The following MMP26 variants were observed in gnomAD, a reference collection of about 807,000 sequenced individuals.
The protein encoded by MMP26 is matrix metallopeptidase 26.
MMP26 carries 33 observed loss-of-function variants against 31.0 expected under a neutral mutation model. That is an observed-to-expected ratio of 1.06 (90% CI 0.81 to 1.42). The LOEUF is 1.42. MMP26 is among the 40% of genes most tolerant of loss of function. MMP26 has a pLI of 0.00. For synonymous variants in MMP26, 122 were observed against 114.9 expected, an observed-to-expected ratio of 1.06 and a Z score of -0.40; for missense variants, 347 against 316.1, an observed-to-expected ratio of 1.10 and a Z score of -0.74.
At chr11:4,874,482 G>A (rs1850353053) in intron 2 of MMP26, among the ~76,000 whole-genome samples, 1 of 151,516 alleles carries the variant, frequency 6.6e-6, no homozygotes. Context: ...TCTTAACCTG[G>A]GTCCATAGAT....
At chr11:4,989,210 T>C (rs776539580) in intron 3 of MMP26, among the ~76,000 whole-genome samples, 1 of 152,082 alleles carries the variant, frequency 6.6e-6, no homozygotes, top group African/African-American at 2.4e-5. Flanking sequence ...CTTAATGAAA[T>C]GGAAGTAAAT....
chr11:4,728,471 T>C (rs946966318), intron 1 of MMP26, among the ~76,000 whole-genome samples: 3 of 152,170 alleles, frequency 2.0e-5, no homozygotes, highest in Admixed American at 6.5e-5. Flanking sequence ...TAGACAACTC[T>C]GAAGGGCCAT....
chr11:4,946,305 C>A, intron 2 of MMP26: 1 of 1,613,780 alleles, frequency 6.2e-7, no homozygotes, highest in Non-Finnish European at 8.5e-7. Context: ...ACATGCCGGG[C>A]AAAGCGGTGG....
At chr11:4,991,554 T>C in intron 6 of MMP26, 58 bp downstream of exon 6, 1 of 1,589,982 alleles carries the variant, frequency 6.3e-7, no homozygotes, top group Non-Finnish European at 8.6e-7. Context: ...GGTTCAGTGT[T>C]GATGGTTTCC....
At chr11:4,928,289 C>G (rs866332045) in intron 2 of MMP26, among the ~76,000 whole-genome samples, 3 of 152,112 alleles carry the variant, frequency 2.0e-5, no homozygotes, top group Admixed American at 2.0e-4. Context: ...TCTCTTCAGC[C>G]TTCCATCTAA....
chr11:4,734,886 T>C (rs943062849), intron 1 of MMP26, among the ~76,000 whole-genome samples: 2 of 121,616 alleles, frequency 1.6e-5, no homozygotes, highest in South Asian at 2.6e-4. Context: ...CACCTTAGGA[T>C]TGAGCTGGGG....
At chr11:4,981,020 A>G (rs1846805559) in intron 2 of MMP26, among the ~76,000 whole-genome samples, 1 of 151,804 alleles carries the variant, frequency 6.6e-6, no homozygotes, top group Admixed American at 6.6e-5. Context: ...TCAATAAATA[A>G]CAATATAAAC....
intron 2 of MMP26, chr11:4,821,803 A>T: frequency 6.2e-7 from 1 of 1,613,104 alleles, no homozygotes; most frequent in Non-Finnish European, 8.5e-7. Flanking sequence ...TTTTGTGGCC[A>T]TCTGTTACCC....
chr11:4,907,003 G>A (rs948457664), intron 2 of MMP26, among the ~76,000 whole-genome samples: 1 of 149,086 alleles, frequency 6.7e-6, no homozygotes, highest in Non-Finnish European at 1.5e-5. Context: ...GGCTGAGGCA[G>A]GAGAATCACT....
chr11:4,834,403 T>C (rs1849688518), intron 2 of MMP26, among the ~76,000 whole-genome samples: 1 of 152,106 alleles, frequency 6.6e-6, no homozygotes, highest in African/African-American at 2.4e-5. Flanking sequence ...GCTCCAATGA[T>C]CTCCTAATGA....
At chr11:4,836,768 T>C (rs1849725061) in intron 2 of MMP26, among the ~76,000 whole-genome samples, 1 of 151,050 alleles carries the variant, frequency 6.6e-6, no homozygotes, top group Non-Finnish European at 1.5e-5. Flanking sequence ...CAAGCGATTT[T>C]CCTGCCTCAG....
intron 2 of MMP26, chr11:4,882,391 C>A: frequency 1.9e-6 from 3 of 1,613,916 alleles, no homozygotes; most frequent in Non-Finnish European, 2.5e-6. Flanking sequence ...TTCTTGTAGC[C>A]ATAAACACTG....
intron 2 of MMP26, among the ~76,000 whole-genome samples, chr11:4,926,777 A>G (rs988167024): frequency 6.6e-6 from 1 of 152,214 alleles, no homozygotes; most frequent in African/African-American, 2.4e-5. Context: ...AAAAAAATAA[A>G]TAAAAGCACA....
chr11:4,910,729 C>G (rs1850978067), intron 2 of MMP26, among the ~76,000 whole-genome samples: 1 of 152,088 alleles, frequency 6.6e-6, no homozygotes, highest in African/African-American at 2.4e-5. Flanking sequence ...GTCTGCACAT[C>G]TTAGTTTTTC....
At chr11:4,962,208 A>G (rs1846531016) in intron 2 of MMP26, among the ~76,000 whole-genome samples, 1 of 152,172 alleles carries the variant, frequency 6.6e-6, no homozygotes, top group Admixed American at 6.5e-5. Flanking sequence ...CTAAAGTCTC[A>G]GAATCACATA....
chr11:4,936,185 C>T lies in MMP26; in HGVS notation c.-144-51883C>T, dbSNP rs533022481. On this transcript the variant is annotated intron_variant, in intron 2 of 7. Coordinates refer to ENST00000380390, the MANE Select transcript of MMP26 (RefSeq NM_021801.5). ...TCCTCCTTGTACCTCTGGTAGAATT[C>T]GGCTGTGAATCCATCTGGTCCTGGA... 4.7e-3 allele frequency among the ~76,000 whole-genome samples: 702 copies of T among 147,928 alleles called. 6 individuals are homozygous for T. The highest frequency in any genetic ancestry group is 0.017 in the African/African-American group (671 of 39,720).
chr11:4,723,729 C>T (rs559845074), intron 1 of MMP26: 2 of 1,203,050 alleles, frequency 1.7e-6, no homozygotes, highest in African/African-American at 3.0e-5. Context: ...CCAGTTGCCG[C>T]CTAAGGTTGT....
intron 2 of MMP26, among the ~76,000 whole-genome samples, chr11:4,833,998 G>C (rs1849681632): frequency 6.6e-6 from 1 of 151,994 alleles, no homozygotes; most frequent in Admixed American, 6.6e-5. Context: ...GTATGTGCTT[G>C]GTAGATCTAT....
At chr11:4,737,592 G>A (rs559837546) in intron 1 of MMP26, among the ~76,000 whole-genome samples, 8 of 152,162 alleles carry the variant, frequency 5.3e-5, no homozygotes, top group African/African-American at 1.9e-4. Flanking sequence ...GCGGTGAGCC[G>A]AGATCACGCC....
Sources: gnomAD v4.1 joint callset for allele counts (sites outside exome capture counted in the v4.1 genomes callset) on GRCh38, gnomAD v4.1.1 for gene constraint, MANE v1.5 for transcripts, NCBI Gene and HGNC (gene_info 2026-07-23, HGNC 2026-07-21) for gene names.